Variants in DENND6A observed in about 807,000 individuals in gnomAD.
DENND6A encodes DENN domain containing 6A, also known as protein DENND6A.
DENND6A carries 43 observed loss-of-function variants against 95.5 expected under a neutral mutation model. The ratio of observed to expected loss-of-function variants is 0.45; its 90% confidence interval spans 0.35 to 0.58. The LOEUF (loss-of-function observed/expected upper bound fraction) is 0.58, where lower values mean the gene tolerates loss of function less well. Ranked by LOEUF, DENND6A falls within the 20% of genes least tolerant of loss-of-function variation. The probability of loss-of-function intolerance (pLI) is 0.00; values close to 1 mark genes in which losing one functional copy is unlikely to be tolerated. For missense variants in DENND6A, 574 were observed against 736.0 expected, an observed-to-expected ratio of 0.78 and a Z score of 2.55; for synonymous variants, 257 against 260.4, an observed-to-expected ratio of 0.99 and a Z score of 0.13.
chr3:57,688,010 T>G (rs1014329375), intron 1 of DENND6A, among the ~76,000 whole-genome samples: 1 of 151,742 alleles, frequency 6.6e-6, no homozygotes, highest in Non-Finnish European at 1.5e-5. Context: ...TTTGTTTTTT[T>G]TTTGAGACAA....
chr3:57,637,762 A>T (rs1456079446), intron 12 of DENND6A, among the ~76,000 whole-genome samples: 1 of 122,384 alleles, frequency 8.2e-6, no homozygotes, highest in Non-Finnish European at 1.8e-5. Flanking sequence ...AATAAATAAG[A>T]CTTCAAAAAA....
intron 8 of DENND6A, among the ~76,000 whole-genome samples, chr3:57,657,955 G>A (rs572443356): frequency 7.6e-4 from 115 of 152,130 alleles, no homozygotes; most frequent in Middle Eastern, 3.4e-3. Flanking sequence ...AATTAATCCC[G>A]GCCAGGCATG....
intron 9 of DENND6A, among the ~76,000 whole-genome samples, chr3:57,647,620 G>T (rs2071106334): frequency 6.6e-6 from 1 of 152,168 alleles, no homozygotes; most frequent in Non-Finnish European, 1.5e-5. Flanking sequence ...AGTTGAGGAG[G>T]TTGTCACAAT....
chr3:57,684,418 G>A (rs1282910299), intron 1 of DENND6A, among the ~76,000 whole-genome samples: 5 of 152,140 alleles, frequency 3.3e-5, no homozygotes, highest in Non-Finnish European at 7.3e-5. Context: ...AGCTGAGATC[G>A]TGCCACTGCA....
chr3:57,657,595 C>A (rs970866264), intron 9 of DENND6A, 85 bp downstream of exon 9: 1 of 870,604 alleles, frequency 1.1e-6, no homozygotes, highest in Non-Finnish European at 1.8e-6. Context: ...TTTCCACATC[C>A]TATATAATAT....
chr3:57,644,066 C>T (rs140540618), intron 11 of DENND6A, among the ~76,000 whole-genome samples: 3,634 of 150,778 alleles, frequency 0.024, 68 homozygotes, highest in Non-Finnish European at 0.035. Context: ...AGGAGAATCT[C>T]GTGAACCCGG....
At chr3:57,667,317 G>C (rs1267634247) in intron 3 of DENND6A, among the ~76,000 whole-genome samples, 2 of 151,888 alleles carry the variant, frequency 1.3e-5, no homozygotes, top group Non-Finnish European at 2.9e-5. Flanking sequence ...ACTGTGCCTG[G>C]CCTTTTTAAA....
chr3:57,678,618 A>T (rs2077130498), intron 1 of DENND6A, among the ~76,000 whole-genome samples: 2 of 150,302 alleles, frequency 1.3e-5, no homozygotes, highest in Admixed American at 6.6e-5. Flanking sequence ...TGTAGAGCTC[A>T]CATGATGGCA....
intron 9 of DENND6A, among the ~76,000 whole-genome samples, chr3:57,653,813 C>G (rs563855825): frequency 3.8e-4 from 55 of 145,016 alleles, no homozygotes; most frequent in Non-Finnish European, 6.7e-4. Context: ...AAATGAAGGT[C>G]TGTAAGGAAA....
At chr3:57,679,372 G>A (rs1350659945) in intron 1 of DENND6A, 6 of 388,078 alleles carry the variant, frequency 1.5e-5, no homozygotes, top group Admixed American at 6.4e-5. Context: ...CATTGTTGTT[G>A]TTACTTCTTA....
At chr3:57,634,451 A>T in intron 14 of DENND6A, 107 bp downstream of exon 14, 2 of 479,954 alleles carry the variant, frequency 4.2e-6, no homozygotes, top group Non-Finnish European at 6.4e-6. Flanking sequence ...AAAAAAAAAA[A>T]GGAGAGATCC....
chr3:57,659,952 C>T (rs2071392078), intron 7 of DENND6A, among the ~76,000 whole-genome samples: 1 of 152,212 alleles, frequency 6.6e-6, no homozygotes. Flanking sequence ...AATTGCAGAA[C>T]TCCAGGAGGT....
chr3:57,632,246 G>A (rs752729467), intron 15 of DENND6A, among the ~76,000 whole-genome samples: 4 of 150,808 alleles, frequency 2.7e-5, no homozygotes, highest in Non-Finnish European at 5.9e-5. Flanking sequence ...GGATGGTCTC[G>A]ATCTCCTGAC....
At chr3:57,638,695 T>C (rs2070856672) in intron 12 of DENND6A, among the ~76,000 whole-genome samples, 3 of 151,592 alleles carry the variant, frequency 2.0e-5, no homozygotes, top group Admixed American at 2.0e-4. Flanking sequence ...ATAAATAAAA[T>C]GGCCAATAAA....
intron 12 of DENND6A, among the ~76,000 whole-genome samples, chr3:57,640,290 A>C (rs6787269): frequency 0.074 from 11,076 of 150,546 alleles, 1,386 homozygotes; most frequent in African/African-American, 0.26. Flanking sequence ...ACAAAAAAAA[A>C]CAAAAAACAA....
At chr3:57,651,755 A>G (rs920830439) in intron 9 of DENND6A, among the ~76,000 whole-genome samples, 1 of 152,222 alleles carries the variant, frequency 6.6e-6, no homozygotes, top group Non-Finnish European at 1.5e-5. Flanking sequence ...AAAGAATGAC[A>G]GAGATATGGC....
chr3:57,636,904 TC>T (rs2153412624), intron 12 of DENND6A, among the ~76,000 whole-genome samples: 1 of 132,390 alleles, frequency 7.6e-6, no homozygotes, highest in South Asian at 2.3e-4. Flanking sequence ...GTCACTACAC[TC>T]CAGCCTGGGT....
At chr3:57,672,899 G>T (rs963198217) in intron 1 of DENND6A, among the ~76,000 whole-genome samples, 1 of 151,708 alleles carries the variant, frequency 6.6e-6, no homozygotes, top group Non-Finnish European at 1.5e-5. Flanking sequence ...AGAAAATGCA[G>T]TACATATACA....
At chr3:57,660,084 C>A (rs1192627290) in intron 7 of DENND6A, among the ~76,000 whole-genome samples, 1 of 152,064 alleles carries the variant, frequency 6.6e-6, no homozygotes, top group Non-Finnish European at 1.5e-5. Context: ...AAATGTATTG[C>A]AATATCTCTA....
Sources: gnomAD v4.1 joint callset for allele counts (sites outside exome capture counted in the v4.1 genomes callset) on GRCh38, gnomAD v4.1.1 for gene constraint, MANE v1.5 for transcripts, NCBI Gene and HGNC (gene_info 2026-07-23, HGNC 2026-07-21) for gene names.